PEAK1: variants seen among roughly 807,000 people sequenced by gnomAD.
The protein encoded by PEAK1 is pseudopodium enriched atypical kinase 1.
PEAK1 carries 54 observed loss-of-function variants against 124.7 expected under a neutral mutation model. The observed-to-expected ratio is 0.43, with a 90% confidence interval of 0.35 to 0.54. The LOEUF is 0.54. Ranked by LOEUF, PEAK1 falls within the 20% of genes least tolerant of loss-of-function variation. The pLI is 0.01. For missense variants in PEAK1, 2,046 were observed against 2,134.5 expected (o/e 0.96, Z 0.82); for synonymous variants, 719 against 760.0 (o/e 0.95, Z 0.89).
chr15:77,128,402 T>C (rs2052567870), intron 9 of PEAK1, among the ~76,000 whole-genome samples: 2 of 152,176 alleles, frequency 1.3e-5, no homozygotes, highest in Non-Finnish European at 2.9e-5. Context: ...CAGGGCTGCT[T>C]TTCCCACCAA....
chr15:77,303,421 GGTCA>G (rs757491319), intron 2 of PEAK1, among the ~76,000 whole-genome samples: 6 of 152,148 alleles, frequency 3.9e-5, no homozygotes, highest in Non-Finnish European at 5.9e-5. Context: ...ACCAGAATTT[GGTCA>G]GTGTTTTGAA....
At chr15:77,252,837 C>T (rs1170305848) in intron 5 of PEAK1, among the ~76,000 whole-genome samples, 1 of 152,104 alleles carries the variant, frequency 6.6e-6, no homozygotes, top group Non-Finnish European at 1.5e-5. Context: ...TGAATACTAA[C>T]TCAATGACAA....
chr15:77,339,656 G>A (rs2066415951), intron 2 of PEAK1, among the ~76,000 whole-genome samples: 2 of 152,048 alleles, frequency 1.3e-5, no homozygotes, highest in African/African-American at 2.4e-5. Flanking sequence ...AAACAAACTG[G>A]TAAGTTGGAC....
chr15:77,145,461 AT>A (rs1275475668), intron 8 of PEAK1, among the ~76,000 whole-genome samples: 3 of 151,944 alleles, frequency 2.0e-5, no homozygotes, highest in African/African-American at 4.8e-5. Flanking sequence ...AAAAAAAAAA[AT>A]GTCTTCAGAC....
At chr15:77,272,543 C>CTCCTAGATT (rs944516776) in intron 5 of PEAK1, among the ~76,000 whole-genome samples, 5 of 152,060 alleles carry the variant, frequency 3.3e-5, no homozygotes, top group African/African-American at 1.2e-4. Flanking sequence ...ATATACAACC[C>CTCCTAGATT]TCCTAGATTA....
At position 77,399,059 on chromosome 15, in the gene PEAK1, G is replaced by A. The variant is rs189470427; in HGVS notation, c.-666+20947C>T. 2.9e-3 allele frequency among the ~76,000 whole-genome samples: 434 copies of A among 152,016 alleles called. 3 individuals carry two copies. The highest frequency in any genetic ancestry group is 3.6e-3 in the Non-Finnish European group (246 of 67,942). On this transcript the variant is annotated intron_variant, in intron 1 of 9. Transcript: ENST00000682557. Reference sequence around the variant, plus strand: ...TAGGAATTAACTTAACCAAAGAAGCGAAAGATCCTTACAATGAAAACTATA... The same window carrying A: ...TAGGAATTAACTTAACCAAAGAAGCAAAAGATCCTTACAATGAAAACTATA...
At chr15:77,192,821 T>C (rs979351919) in intron 6 of PEAK1, among the ~76,000 whole-genome samples, 1 of 151,754 alleles carries the variant, frequency 6.6e-6, no homozygotes, top group Non-Finnish European at 1.5e-5. Context: ...GGCCGAACGG[T>C]CCTTACCTTT....
At chr15:77,222,215 C>A (rs1315065719) in intron 6 of PEAK1, among the ~76,000 whole-genome samples, 1 of 151,964 alleles carries the variant, frequency 6.6e-6, no homozygotes, top group African/African-American at 2.4e-5. Context: ...ATACATTTAA[C>A]CTTTTTCTTT....
At chr15:77,225,287 T>C (rs1034316422) in intron 6 of PEAK1, among the ~76,000 whole-genome samples, 1 of 151,992 alleles carries the variant, frequency 6.6e-6, no homozygotes, top group African/African-American at 2.4e-5. Flanking sequence ...AACTGTTATG[T>C]TGCAATTGCA....
intron 5 of PEAK1, among the ~76,000 whole-genome samples, chr15:77,252,943 T>TC (rs1567170078): frequency 1.3e-5 from 2 of 152,208 alleles, no homozygotes; most frequent in Non-Finnish European, 2.9e-5. Context: ...AGCAGGTATC[T>TC]CCAAATGTAA....
At chr15:77,266,127 A>T (rs924607906) in intron 5 of PEAK1, among the ~76,000 whole-genome samples, 15 of 152,162 alleles carry the variant, frequency 9.9e-5, no homozygotes, top group African/African-American at 3.6e-4. Flanking sequence ...GGGGAGGGAT[A>T]GCATTTGGAG....
chr15:77,316,162 T>C (rs1347177025), intron 2 of PEAK1, among the ~76,000 whole-genome samples: 1 of 152,184 alleles, frequency 6.6e-6, no homozygotes, highest in Admixed American at 6.5e-5. Flanking sequence ...GTGAGATATA[T>C]TTTATCAGTT....
At chr15:77,134,853 AT>A (rs1424759657) in intron 8 of PEAK1, among the ~76,000 whole-genome samples, 1 of 152,186 alleles carries the variant, frequency 6.6e-6, no homozygotes, top group Non-Finnish European at 1.5e-5. Context: ...AAGTCTGTAG[AT>A]TTAATAGTTA....
intron 1 of PEAK1, among the ~76,000 whole-genome samples, chr15:77,383,277 C>T (rs1206092130): frequency 1.3e-5 from 2 of 152,124 alleles, no homozygotes. Context: ...CCACACCTCT[C>T]AGCCTCCCAA....
chr15:77,262,719 G>A (rs537438490), intron 5 of PEAK1, among the ~76,000 whole-genome samples: 2 of 151,084 alleles, frequency 1.3e-5, no homozygotes, highest in East Asian at 1.9e-4. Flanking sequence ...ACAAGGATAC[G>A]CAGGAATTGA....
At chr15:77,309,619 T>C (rs1413917163) in intron 2 of PEAK1, among the ~76,000 whole-genome samples, 1 of 152,108 alleles carries the variant, frequency 6.6e-6, no homozygotes, top group Non-Finnish European at 1.5e-5. Flanking sequence ...TAATCACCTA[T>C]TCCAGTTTCC....
intron 2 of PEAK1, among the ~76,000 whole-genome samples, chr15:77,307,252 C>T (rs1157507955): frequency 6.6e-6 from 1 of 152,028 alleles, no homozygotes; most frequent in East Asian, 1.9e-4. Context: ...TGGACCTTAG[C>T]TTCTCTATGT....
rs192812747 is a variant in PEAK1 at position 77,402,717 on chromosome 15, A to G, written c.-666+17289T>C. 5.4e-5 allele frequency: 53 copies of G among 985,324 alleles called. No individual in the cohort carries two copies. The African/African-American group carries it at 8.9e-4, about 17-fold the overall frequency. 61.0% of individuals were successfully genotyped at this position (985,324 alleles called of 1,614,324 possible). ...CACTGATAATATTCAACTGCTTTCT[A>G]AAGTTCTCATTTATTCCCAGGAAAC... On this transcript the variant is annotated intron_variant, in intron 1 of 9. Coordinates refer to ENST00000682557, the MANE Select transcript of PEAK1 (RefSeq NM_001385026.1).
intron 6 of PEAK1, among the ~76,000 whole-genome samples, chr15:77,243,954 G>A (rs1263975625): frequency 1.3e-5 from 2 of 150,088 alleles, no homozygotes; most frequent in Non-Finnish European, 3.0e-5. Context: ...GGCAACAGAA[G>A]TGAAACTCTT....
Sources: allele counts gnomAD v4.1 joint callset (sites outside exome capture counted in the v4.1 genomes callset), GRCh38; gene constraint gnomAD v4.1.1; transcripts MANE v1.5; gene names NCBI Gene and HGNC (gene_info 2026-07-23, HGNC 2026-07-21).